The following LIN28A variants were observed in gnomAD, a reference collection of about 807,000 sequenced individuals.
The protein encoded by LIN28A is lin-28 RNA binding posttranscriptional regulator A.
In LIN28A, 11 loss-of-function variants were observed where a neutral mutation model predicts 21.1. That is an observed-to-expected ratio of 0.52 (90% CI 0.33 to 0.86). The LOEUF (loss-of-function observed/expected upper bound fraction) is 0.86. Among genes scored for constraint, LIN28A ranks in the 40% least tolerant of loss-of-function variants. The probability of loss-of-function intolerance (pLI) is 0.03; values close to 1 mark genes in which losing one functional copy is unlikely to be tolerated. For synonymous variants in LIN28A, 111 were observed against 108.7 expected, an observed-to-expected ratio of 1.02 and a Z score of -0.13; for missense variants, 219 against 279.8, an observed-to-expected ratio of 0.78 and a Z score of 1.55.
At chr1:26,416,742 C>A (rs534446045) in intron 2 of LIN28A, among the ~76,000 whole-genome samples, 1 of 152,204 alleles carries the variant, frequency 6.6e-6, no homozygotes, top group African/African-American at 2.4e-5. Flanking sequence ...CTCAGCCACC[C>A]GAGTAGCTGG....
At chr1:26,422,201 G>C (rs1287167818) in intron 2 of LIN28A, among the ~76,000 whole-genome samples, 3 of 151,570 alleles carry the variant, frequency 2.0e-5, no homozygotes, top group African/African-American at 7.3e-5. Context: ...GTAGAGATGG[G>C]TTTTTGCCAT....
At position 26,425,472 on chromosome 1, in the gene LIN28A, G is replaced by C. The variant is rs2075053320; in HGVS notation, c.398G>C (p.Arg133Thr). 3.7e-6 allele frequency: 6 copies of C among 1,613,878 alleles called. No individual in the cohort carries two copies. The highest frequency in any genetic ancestry group is 5.1e-6 in the Non-Finnish European group (6 of 1,179,958). The part of the protein sequence containing the change: ...RPKGKSMQKR[R>T]SKGDRCYNCG... The stretch of plus-strand genomic sequence containing the variant: ...AAAGGAAAGAGCATGCAGAAGCGCA[G>C]ATCAAAAGGAGACAGGTATGGATTG... Residue 133 changes from arginine to threonine, a missense_variant, in exon 3 of 4, where the codon AGA (arginine) becomes ACA (threonine). Physicochemically the swap from Arg to Thr is moderately conservative, Grantham distance 71. Transcript: ENST00000326279.
rs2074955035 is a variant in LIN28A at position 26,411,058 on chromosome 1, G to A, written c.31+136G>A. 8.6e-7 allele frequency: 1 copy of A among 1,158,280 alleles called. No individual in the cohort carries two copies. The allele number at this position is 1,158,280 out of a possible 1,614,324, so 71.8% of individuals were successfully genotyped here. A position where few individuals can be genotyped will look rare whatever the true frequency, so the allele number is the denominator to read the frequency against. On this transcript the variant is annotated intron_variant, in intron 1 of 3. Transcript: ENST00000326279. This position sits in a 1 kb window ranked among gnomAD's most constrained non-coding sequence, Gnocchi z 5.4. ...GTGCGGCCTTCTGCTTCATAGGGCC[G>A]TCTCTGGGGCCAGGAACCTTGGTGT...
intron 2 of LIN28A, among the ~76,000 whole-genome samples, chr1:26,423,237 C>T (rs895265870): frequency 6.6e-5 from 10 of 151,828 alleles, no homozygotes; most frequent in African/African-American, 9.7e-5. Context: ...AATGGCATTT[C>T]GTCACGTAGG....
chr1:26,424,066 T>G (rs2075044332), intron 2 of LIN28A, among the ~76,000 whole-genome samples: 1 of 151,654 alleles, frequency 6.6e-6, no homozygotes, highest in African/African-American at 2.4e-5. Flanking sequence ...CGGCCTTTTT[T>G]TTTTTCTTTT....
intron 2 of LIN28A, among the ~76,000 whole-genome samples, chr1:26,413,684 C>G (rs2074975115): frequency 6.6e-6 from 1 of 152,170 alleles, no homozygotes; most frequent in Admixed American, 6.5e-5. Context: ...TTCCCTGAGC[C>G]TTTACCTGGT....
chr1:26,411,655 T>G lies in LIN28A; in HGVS notation c.228+73T>G. 1 of 1,502,090 alleles carries G rather than the reference T, an allele frequency of 6.7e-7. No homozygotes were observed. Among genetic ancestry groups the G allele is most frequent in the Non-Finnish European group, 9.1e-7 (1 of 1,099,652 alleles). 93.0% of individuals were successfully genotyped at this position (1,502,090 alleles called of 1,614,324 possible). On this transcript the variant is annotated intron_variant, in intron 2 of 3. Transcript: ENST00000326279. This position sits in a 1 kb window ranked among gnomAD's most constrained non-coding sequence, Gnocchi z 5.4. ...CCATATCCACGGGTGGGCTCCGGGC[T>G]CGCAGTTGAATTGAGGGCCATCGGG...
intron 2 of LIN28A, among the ~76,000 whole-genome samples, chr1:26,420,718 T>C (rs539246562): frequency 5.3e-5 from 8 of 151,960 alleles, no homozygotes; most frequent in Admixed American, 4.6e-4. Flanking sequence ...CAGCATAAAA[T>C]ACGAATGCTA....
chr1:26,425,111 A>G (rs2075050702), intron 2 of LIN28A, among the ~76,000 whole-genome samples, 192 bp from the exon 3 acceptor site: 1 of 152,126 alleles, frequency 6.6e-6, no homozygotes, highest in Non-Finnish European at 1.5e-5. Context: ...CTGCTTATAT[A>G]ATTACGATTT....
At chr1:26,420,680 C>T (rs755744243) in intron 2 of LIN28A, among the ~76,000 whole-genome samples, 4 of 151,734 alleles carry the variant, frequency 2.6e-5, no homozygotes, top group Non-Finnish European at 5.9e-5. Flanking sequence ...CATTTAAGTT[C>T]CAGTTTGGAA....
intron 2 of LIN28A, among the ~76,000 whole-genome samples, chr1:26,418,731 G>A (rs2075011791): frequency 6.6e-6 from 1 of 152,136 alleles, no homozygotes; most frequent in South Asian, 2.1e-4. Flanking sequence ...TTGGACTGAA[G>A]AGACCCAAGG....
chr1:26,425,252 G>T (rs1224443975), intron 2 of LIN28A, 51 bp from the exon 3 acceptor site: 1 of 1,555,696 alleles, frequency 6.4e-7, no homozygotes, highest in African/African-American at 1.4e-5. Flanking sequence ...CTTGTCTTTT[G>T]GTATAATAAT....
intron 2 of LIN28A, 116 bp from the exon 3 acceptor site, chr1:26,425,187 C>A (rs935757392): frequency 2.1e-6 from 2 of 973,042 alleles, no homozygotes; most frequent in East Asian, 2.6e-5. Flanking sequence ...GTTTCCTTAC[C>A]AGTAAAATAG....
chr1:26,410,968 G>T, intron 1 of LIN28A, 46 bp downstream of exon 1: 1 of 1,587,466 alleles, frequency 6.3e-7, no homozygotes, highest in Non-Finnish European at 8.5e-7. Context: ...TTCAGGGGCG[G>T]CCAGGAGCCA....
At chr1:26,420,013 A>G (rs2075019382) in intron 2 of LIN28A, among the ~76,000 whole-genome samples, 1 of 152,206 alleles carries the variant, frequency 6.6e-6, no homozygotes, top group Non-Finnish European at 1.5e-5. Context: ...GCAGGAGTGC[A>G]GTGGCGCGAT....
rs1468401698 is a variant in LIN28A at position 26,428,032 on chromosome 1, C to G, written c.*1574C>G. ...TGTGTCTGATCCTGGGTTCTTGTCT[C>G]CCCTAAATGCTGCCCCCCAAGTTAC... On this transcript the variant is annotated 3_prime_UTR_variant, in exon 4 of 4. Transcript: ENST00000326279. The G allele has an allele frequency of 6.6e-6, 1 of 152,660 alleles. No individual in the cohort carries two copies. The highest frequency in any genetic ancestry group is 2.4e-5 in the African/African-American group (1 of 41,446). 9.5% of individuals were successfully genotyped at this position (152,660 alleles called of 1,614,324 possible).
At chr1:26,421,247 G>C (rs1002120421) in intron 2 of LIN28A, among the ~76,000 whole-genome samples, 1 of 152,138 alleles carries the variant, frequency 6.6e-6, no homozygotes, top group Admixed American at 6.5e-5. Flanking sequence ...TCAAAAATGT[G>C]CTAGGCATTA....
At chr1:26,421,767 A>G (rs564757881) in intron 2 of LIN28A, among the ~76,000 whole-genome samples, 1 of 152,196 alleles carries the variant, frequency 6.6e-6, no homozygotes, top group Admixed American at 6.5e-5. Context: ...CTTGGGTTAT[A>G]CTGTCTTTCG....
In LIN28A at chr1:26,427,855, G is replaced by A. The variant is rs2075068743; in HGVS notation, c.*1397G>A. 1 of 152,594 alleles carries A rather than the reference G, an allele frequency of 6.6e-6. No individual in the cohort carries two copies. Among genetic ancestry groups the A allele is most frequent in the African/African-American group, 2.4e-5 (1 of 41,434 alleles). The allele number at this position is 152,594 out of a possible 1,614,324, so 9.5% of individuals were successfully genotyped here. On this transcript the variant is annotated 3_prime_UTR_variant, in exon 4 of 4. Transcript: ENST00000326279. ...ACAAGCGAGGGTTTTGTGGTGCCTG[G>A]AGCCTGTGTCCTGCCCTGCTACAGT... is the stretch of plus-strand genomic sequence containing the variant.
Sources: allele counts gnomAD v4.1 joint callset (sites outside exome capture counted in the v4.1 genomes callset), GRCh38; gene constraint gnomAD v4.1.1; non-coding constraint Gnocchi (gnomAD v3.1); transcripts MANE v1.5; gene names NCBI Gene and HGNC (gene_info 2026-07-23, HGNC 2026-07-21).